Variants in SPATA13 observed in about 807,000 individuals in gnomAD.
The protein encoded by SPATA13 is spermatogenesis associated 13.
A neutral mutation model predicts 104.0 loss-of-function variants in SPATA13; 50 were observed. The observed-to-expected ratio is 0.48, with a 90% CI of 0.38 to 0.61. The LOEUF (loss-of-function observed/expected upper bound fraction) is 0.61. SPATA13 is among the 20% of genes least tolerant of loss of function. The pLI, the probability that SPATA13 is intolerant of heterozygous loss-of-function variation, is 0.00. For synonymous variants in SPATA13, 606 were observed against 667.5 expected (o/e 0.91, Z 1.42); for missense variants, 1,524 against 1,690.6 (o/e 0.90, Z 1.73).
At chr13:24,112,925 G>C (rs1427298933) in intron 3 of SPATA13, among the ~76,000 whole-genome samples, 1 of 152,134 alleles carries the variant, frequency 6.6e-6, no homozygotes, top group Non-Finnish European at 1.5e-5. Flanking sequence ...GCGTTTTCTA[G>C]AATTCTACTG....
intron 1 of SPATA13, among the ~76,000 whole-genome samples, chr13:24,220,450 A>G (rs776553646): frequency 4.6e-5 from 7 of 152,210 alleles, no homozygotes; most frequent in Non-Finnish European, 8.8e-5. Flanking sequence ...TGATTAAACA[A>G]TCTCATTCAT....
At chr13:24,133,789 C>T (rs1278803328) in intron 3 of SPATA13, among the ~76,000 whole-genome samples, 1 of 152,126 alleles carries the variant, frequency 6.6e-6, no homozygotes, top group African/African-American at 2.4e-5. Context: ...AAGGAAATAG[C>T]AAGAGAACAC....
intron 3 of SPATA13, among the ~76,000 whole-genome samples, chr13:24,065,145 AG>A (rs1156794605): frequency 7.9e-5 from 12 of 152,160 alleles, no homozygotes; most frequent in African/African-American, 2.4e-4. Flanking sequence ...TTTACCTGTC[AG>A]GGGGATGTCT....
At chr13:24,126,179 G>A (rs916057273) in intron 3 of SPATA13, among the ~76,000 whole-genome samples, 20 of 152,270 alleles carry the variant, frequency 1.3e-4, no homozygotes, top group African/African-American at 4.6e-4. Context: ...TTGCTACAGG[G>A]ACTTCCTCTC....
At chr13:23,996,176 T>A (rs928258540) in intron 2 of SPATA13, among the ~76,000 whole-genome samples, 1 of 152,080 alleles carries the variant, frequency 6.6e-6, no homozygotes. Context: ...GGGTCAGGAG[T>A]CCAAAGTGGG....
chr13:24,073,197 C>T (rs1373923018), intron 3 of SPATA13, among the ~76,000 whole-genome samples: 1 of 152,062 alleles, frequency 6.6e-6, no homozygotes, highest in East Asian at 1.9e-4. Flanking sequence ...CTGTAGTGGA[C>T]ATTTGTCAAG....
At chr13:23,996,640 G>T (rs2765161) in intron 2 of SPATA13, among the ~76,000 whole-genome samples, 115,610 of 152,126 alleles carry the variant, frequency 0.76, 44,110 homozygotes, top group Non-Finnish European at 0.77. Flanking sequence ...TTTGGCTACT[G>T]ATTAAAAGAG....
At chr13:24,158,445 C>T (rs551879959), upstream of SPATA13, among the ~76,000 whole-genome samples, 2 of 152,308 alleles carry the variant, frequency 1.3e-5, no homozygotes, top group East Asian at 3.9e-4. Flanking sequence ...TAATCTCTGA[C>T]TTAACAGAAT....
intron 1 of SPATA13, among the ~76,000 whole-genome samples, chr13:24,165,865 T>C (rs1199616602): frequency 2.6e-5 from 4 of 152,218 alleles, no homozygotes; most frequent in Non-Finnish European, 5.9e-5. Flanking sequence ...TTAGTCACCA[T>C]GGGTGATGTA....
intron 1 of SPATA13, among the ~76,000 whole-genome samples, chr13:24,168,600 A>G (rs1246360616): frequency 1.3e-5 from 2 of 151,792 alleles, no homozygotes; most frequent in African/African-American, 2.4e-5. Flanking sequence ...GTAAAGACCA[A>G]CCTCCATTGT....
intron 3 of SPATA13, among the ~76,000 whole-genome samples, chr13:24,075,331 G>C (rs1378184066): frequency 1.3e-5 from 2 of 152,092 alleles, no homozygotes; most frequent in African/African-American, 2.4e-5. Flanking sequence ...CTGGATCTCG[G>C]TTTGGCAAAT....
chr13:24,297,288 C>A, intron 10 of SPATA13, 75 bp from the exon 11 acceptor site: 1 of 1,515,234 alleles, frequency 6.6e-7, no homozygotes, highest in South Asian at 1.3e-5. Context: ...ATCCTCCCAC[C>A]TTGGCTTCTT....
chr13:24,153,096 G>GCATC (rs1355426854), intron 3 of SPATA13, among the ~76,000 whole-genome samples: 2 of 152,244 alleles, frequency 1.3e-5, no homozygotes, highest in East Asian at 1.9e-4. Flanking sequence ...TGGGACTTGG[G>GCATC]CATCCTCTGT....
At chr13:23,995,875 G>T (rs915586744) in intron 2 of SPATA13, among the ~76,000 whole-genome samples, 6 of 152,070 alleles carry the variant, frequency 3.9e-5, no homozygotes, top group Non-Finnish European at 7.4e-5. Context: ...GGAGGAAGTG[G>T]TCATCTTTTA....
chr13:24,258,717 A>T (rs1427847036), intron 4 of SPATA13, among the ~76,000 whole-genome samples: 1 of 152,194 alleles, frequency 6.6e-6, no homozygotes, highest in Admixed American at 6.5e-5. Context: ...GTGAGGAATA[A>T]GATACTTAAA....
In SPATA13 at chr13:24,193,690, C is replaced by T. The variant is rs554420593; in HGVS notation, c.-111-29129C>T. On this transcript the variant is annotated intron_variant, in intron 1 of 12. Transcript: ENST00000382108. Reference sequence around the variant, plus strand: ...CTGGATTCTCTGAAAAGAGTCCCTTCGATTTGGCACTTAGCTATGCTTTAG... The same window carrying T: ...CTGGATTCTCTGAAAAGAGTCCCTTTGATTTGGCACTTAGCTATGCTTTAG... Among the ~76,000 whole-genome samples, 190 of 152,238 alleles carry T rather than the reference C, an allele frequency of 1.2e-3. 10 individuals carry two copies. In the South Asian group the frequency reaches 0.039, roughly 31 times the overall value.
intron 4 of SPATA13, among the ~76,000 whole-genome samples, chr13:24,274,887 C>T (rs1195447364): frequency 6.6e-6 from 1 of 152,146 alleles, no homozygotes; most frequent in Non-Finnish European, 1.5e-5. Context: ...GAGAGTGCCT[C>T]ATGAAAATAG....
At chr13:24,298,260 T>C (rs926558741) in intron 11 of SPATA13, among the ~76,000 whole-genome samples, 3 of 152,208 alleles carry the variant, frequency 2.0e-5, no homozygotes, top group Non-Finnish European at 4.4e-5. Flanking sequence ...GCTGTGCCTG[T>C]GCAATACCTT....
chr13:24,015,741 C>A (rs936688536), intron 2 of SPATA13, among the ~76,000 whole-genome samples: 1 of 13,340 alleles, frequency 7.5e-5, no homozygotes, highest in Non-Finnish European at 3.9e-4. Flanking sequence ...CCTGGCAGGC[C>A]CCCCCCCAAT....
Sources: gnomAD v4.1 joint callset for allele counts (sites outside exome capture counted in the v4.1 genomes callset) on GRCh38, gnomAD v4.1.1 for gene constraint, MANE v1.5 for transcripts, NCBI Gene and HGNC (gene_info 2026-07-23, HGNC 2026-07-21) for gene names.